ATAD5: variants seen among roughly 807,000 people sequenced by gnomAD.
ATAD5 encodes ATPase family AAA domain containing 5.
Under a neutral mutation model 176.9 loss-of-function variants are expected in ATAD5, and 58 were observed. That is an observed-to-expected ratio of 0.33 (90% CI 0.27 to 0.41). ATAD5 has a LOEUF of 0.41. Among genes scored for constraint, ATAD5 ranks in the 10% least tolerant of loss-of-function variants. ATAD5 has a pLI of 1.00. For missense variants in ATAD5, 1,789 were observed against 2,094.1 expected (o/e 0.85, Z 2.84); for synonymous variants, 640 against 712.6 (o/e 0.90, Z 1.62).
In ATAD5 at chr17:30,893,621, A is replaced by G. The variant is rs553294639; in HGVS notation, c.4768A>G (p.Ile1590Val). 8 of 1,614,002 alleles carry G rather than the reference A, an allele frequency of 5.0e-6. No individual in the cohort carries two copies. In the South Asian group the frequency reaches 6.6e-5, roughly 13 times the overall value. Reference protein sequence around the residue: ...DTDLDFPDQSISLSSVSSSSN... With the variant: ...DTDLDFPDQSVSLSSVSSSSN... ...TGACTTGGACTTTCCTGATCAATCTATTAGCCTGTCCTCTGTATCATCTTC... is the reference window on the plus strand; with the variant it reads ...TGACTTGGACTTTCCTGATCAATCTGTTAGCCTGTCCTCTGTATCATCTTC... Residue 1590 changes from isoleucine (I) to valine (V), a missense_variant, in exon 21 of 23, where the codon ATT (isoleucine) becomes GTT (valine). Physicochemically the swap from Ile to Val is conservative, Grantham distance 29. Coordinates refer to ENST00000321990, the MANE Select transcript of ATAD5 (RefSeq NM_024857.5).
chr17:30,856,970 A>G lies in ATAD5; in HGVS notation c.2651A>G (p.His884Arg). The change falls in exon 8 of 23, where the codon CAT becomes CGT. Residue 884 changes from histidine (H) to arginine (R), a missense_variant. Physicochemically the swap from His to Arg is conservative, Grantham distance 29. Transcript: ENST00000321990. ...TTTTCTTTAGGGTGTTGTTTGTGGC[A>G]TTTGAAACCACCCTCTTGTCCTCTC... ...QQKDDGCCLW[H>R]LKPPSCPLLT... The G allele has an allele frequency of 6.3e-7, 1 of 1,585,214 alleles. No individual in the cohort carries two copies.
At position 30,871,537 on chromosome 17, in the gene ATAD5, A is replaced by G. The variant is rs375171197; in HGVS notation, c.3607+1891A>G. 1.7e-4 allele frequency among the ~76,000 whole-genome samples: 26 copies of G among 151,710 alleles called. No individual in the cohort carries two copies. The East Asian group carries it at 3.3e-3, about 19-fold the overall frequency. On this transcript the variant is annotated intron_variant, in intron 14 of 22. Transcript: ENST00000321990. ...TAATGTTTTTGTATTTTTAATAGAG[A>G]CAGGGTTTGACCATATTGGCCAGGC...
chr17:30,835,725 CCTT>C lies in ATAD5; in HGVS notation c.1647_1649del (p.Leu550del). 2 of 1,610,800 alleles carry C rather than the reference CCTT, an allele frequency of 1.2e-6. No homozygotes were observed. The highest frequency in any genetic ancestry group is 1.7e-6 in the Non-Finnish European group (2 of 1,179,138). On this transcript the variant is annotated inframe_deletion, in exon 2 of 23. Coordinates refer to ENST00000321990, the MANE Select transcript of ATAD5 (RefSeq NM_024857.5). ...TTTATGAAGATATAGCAAATGATGA[CCTT>C]CTAAAGGTTTCCTCTCTGTGTAACA...
chr17:30,839,539 T>C (rs1386948597), intron 3 of ATAD5, among the ~76,000 whole-genome samples: 1 of 151,286 alleles, frequency 6.6e-6, no homozygotes, highest in Non-Finnish European at 1.5e-5. Context: ...CCTCCCAAAG[T>C]GCTGGGATTA....
chr17:30,869,828 T>C, intron 14 of ATAD5, 182 bp downstream of exon 14: 1 of 611,724 alleles, frequency 1.6e-6, no homozygotes. Flanking sequence ...CACCCATACC[T>C]TCTTCAATAT....
intron 6 of ATAD5, among the ~76,000 whole-genome samples, chr17:30,854,293 T>A (rs1907158453): frequency 6.8e-6 from 1 of 147,836 alleles, no homozygotes; most frequent in South Asian, 2.1e-4. Context: ...AATATATATT[T>A]TATATTTAGG....
chr17:30,892,066 C>T (rs1184791968), intron 19 of ATAD5, among the ~76,000 whole-genome samples: 4 of 152,038 alleles, frequency 2.6e-5, no homozygotes, highest in African/African-American at 9.7e-5. Context: ...AGTCCTTGCA[C>T]TTTTTCTGTT....
chr17:30,860,657 A>G, intron 10 of ATAD5, 45 bp downstream of exon 10: 1 of 1,441,842 alleles, frequency 6.9e-7, no homozygotes, highest in Non-Finnish European at 9.2e-7. Context: ...TGCTTTGAGG[A>G]CATGCAAAGT....
chr17:30,869,758 G>T, intron 14 of ATAD5, 112 bp downstream of exon 14: 1 of 1,163,120 alleles, frequency 8.6e-7, no homozygotes, highest in Non-Finnish European at 1.2e-6. Flanking sequence ...ACACGTACAC[G>T]TTTCCTGCCC....
At chr17:30,851,498 A>G (rs1484149947) in intron 6 of ATAD5, among the ~76,000 whole-genome samples, 1 of 150,122 alleles carries the variant, frequency 6.7e-6, no homozygotes, top group East Asian at 2.0e-4. Flanking sequence ...TCTGTCTCAA[A>G]AAAAAAAAAA....
Position 30,865,784 on chromosome 17 carries a change from A to C in ATAD5, c.3217A>C (p.Ile1073Leu), listed in dbSNP as rs140344265. The C allele has an allele frequency of 1.3e-5, 21 of 1,581,562 alleles. No individual in the cohort carries two copies. Among genetic ancestry groups the C allele is most frequent in the Non-Finnish European group, 1.8e-5 (21 of 1,166,516 alleles). The change falls in exon 11 of 23, where the codon ATA becomes CTA. Residue 1073 changes from isoleucine to leucine, a missense_variant. This residue lies in a region of ATAD5 where 487 missense variants were observed against 573.6 expected (regional missense o/e 0.85). Coordinates refer to ENST00000321990, the MANE Select transcript of ATAD5 (RefSeq NM_024857.5). ...TGAACTTATAGGAAATGAGTTAGCTATAAAAAAGTTACATAGGTTGGTAAA... is the reference window on the plus strand; with the variant it reads ...TGAACTTATAGGAAATGAGTTAGCTCTAAAAAAGTTACATAGGTTGGTAAA... Reference protein sequence around the residue: ...ASELIGNELAIKKLHSWLKDW... With the variant: ...ASELIGNELALKKLHSWLKDW...
Position 30,893,807 on chromosome 17 carries a change from T to G in ATAD5, c.4954T>G (p.Phe1652Val). 6.2e-7 allele frequency: 1 copy of G among 1,614,104 alleles called. No homozygotes were observed. The highest frequency in any genetic ancestry group is 1.7e-5 in the Admixed American group (1 of 60,014). The change falls in exon 21 of 23, where the codon TTC (phenylalanine) becomes GTC (valine). Residue 1652 changes from phenylalanine (F) to valine (V), a missense_variant. Coordinates refer to ENST00000321990, the MANE Select transcript of ATAD5 (RefSeq NM_024857.5). ...TCATTGTTTAAATTCTCTCTCTGAGTTCATGGATAACATGTCCTTCTTAGA... is the reference window on the plus strand; with the variant it reads ...TCATTGTTTAAATTCTCTCTCTGAGGTCATGGATAACATGTCCTTCTTAGA... The part of the protein sequence containing the change: ...VSHCLNSLSE[F>V]MDNMSFLDAL...
At chr17:30,836,119 A>T in intron 2 of ATAD5, 71 bp downstream of exon 2, 1 of 1,308,902 alleles carries the variant, frequency 7.6e-7, no homozygotes, top group Non-Finnish European at 1.0e-6. Context: ...AAATGCTTCA[A>T]GTATTGGAGG....
chr17:30,837,782 C>A (rs1905844507), intron 3 of ATAD5, among the ~76,000 whole-genome samples: 2 of 152,186 alleles, frequency 1.3e-5, no homozygotes, highest in African/African-American at 4.8e-5. Flanking sequence ...GGGGTCTCCA[C>A]CCTCATGACC....
At chr17:30,892,399 T>TG (rs1383680788) in intron 19 of ATAD5, among the ~76,000 whole-genome samples, 1 of 148,064 alleles carries the variant, frequency 6.8e-6, no homozygotes, top group African/African-American at 2.5e-5. Context: ...CAATTCAGCC[T>TG]GGGTGATAGA....
chr17:30,835,002 A>G lies in ATAD5; in HGVS notation c.921A>G (p.Glu307=), dbSNP rs1905625526. 6.2e-7 allele frequency: 1 copy of G among 1,614,056 alleles called. No homozygotes were observed. The highest frequency in any genetic ancestry group is 8.5e-7 in the Non-Finnish European group (1 of 1,179,994). Residue 307 remains glutamate (E), a synonymous_variant, in exon 2 of 23, where the codon GAA becomes GAG. Transcript: ENST00000321990. ...TAGTCAAAAGTGGTTATATAAGTGA[A>G]TCAGAAAACTCCGAAATTTCCCAGC... ...DEIVKSGYIS[E]SENSEISQQV...
chr17:30,835,553 T>C lies in ATAD5; in HGVS notation c.1472T>C (p.Ile491Thr). 1 of 1,611,592 alleles carries C rather than the reference T, an allele frequency of 6.2e-7. No homozygotes were observed. The highest frequency in any genetic ancestry group is 1.1e-5 in the South Asian group (1 of 90,278). ...KNKKTLDTGAIPGKNREGNTQ... is the reference protein window; with the variant it reads ...KNKKTLDTGATPGKNREGNTQ... The stretch of plus-strand genomic sequence containing the variant: ...AAGAAAACATTAGATACTGGGGCTA[T>C]TCCAGGCAAAAACAGAGAGGGAAAC... Residue 491 changes from isoleucine to threonine, a missense_variant, in exon 2 of 23, where the codon ATT (isoleucine) becomes ACT (threonine). Ile to Thr is a moderately conservative substitution (Grantham distance 89, BLOSUM62 -1). This residue lies in a region of ATAD5 where 696 missense variants were observed against 712.5 expected (regional missense o/e 0.98). Transcript: ENST00000321990.
rs112213782 is a variant in ATAD5, at chr17:30,877,371, G to A, written c.3785-45G>A. 1.4e-5 allele frequency: 19 copies of A among 1,322,526 alleles called. No individual in the cohort carries two copies. In the African/African-American group the frequency reaches 1.5e-4, roughly 10 times the overall value. 81.9% of individuals were successfully genotyped at this position (1,322,526 alleles called of 1,614,324 possible). On this transcript the variant is annotated intron_variant, in intron 15 of 22. Coordinates refer to ENST00000321990, the MANE Select transcript of ATAD5 (RefSeq NM_024857.5). ...TTCTGTGGACATATCCAATGTCTTA[G>A]CAAAAGTTGATTTTACCTAAAATAT...
chr17:30,870,493 T>G (rs1303717178), intron 14 of ATAD5, among the ~76,000 whole-genome samples: 1 of 152,128 alleles, frequency 6.6e-6, no homozygotes, highest in Non-Finnish European at 1.5e-5. Context: ...ACAGGTGGCC[T>G]GTGTACTTCC....
Sources: allele counts gnomAD v4.1 joint callset (sites outside exome capture counted in the v4.1 genomes callset), GRCh38; gene constraint gnomAD v4.1.1; regional missense constraint gnomAD v4.1.1; transcripts MANE v1.5; gene names NCBI Gene and HGNC (gene_info 2026-07-23, HGNC 2026-07-21).